GREM1: variants seen among roughly 807,000 people sequenced by gnomAD.
The protein encoded by GREM1 is gremlin 1, DAN family BMP antagonist, also known as gremlin-1.
GREM1 carries 6 observed loss-of-function variants against 13.1 expected under a neutral mutation model. That is an observed-to-expected ratio of 0.46 (90% CI 0.25 to 0.91). The LOEUF (loss-of-function observed/expected upper bound fraction) is 0.91, where lower values mean the gene tolerates loss of function less well. Ranked by LOEUF, GREM1 falls within the 40% of genes least tolerant of loss-of-function variation. The pLI, the probability that GREM1 is intolerant of heterozygous loss-of-function variation, is 0.18. For synonymous variants in GREM1, 98 were observed against 93.7 expected, an observed-to-expected ratio of 1.05 and a Z score of -0.27; for missense variants, 185 against 233.9, an observed-to-expected ratio of 0.79 and a Z score of 1.36.
In GREM1 at chr15:32,744,744, A is replaced by C. The variant is rs2055791847; in HGVS notation, c.*13499A>C. 1 of 151,842 alleles carries C rather than the reference A, an allele frequency of 6.6e-6. No homozygotes were observed. The highest frequency in any genetic ancestry group is 2.1e-4 in the South Asian group (1 of 4,806). The allele number at this position is 151,842 out of a possible 1,614,324, so 9.4% of individuals were successfully genotyped here. On this transcript the variant is annotated 3_prime_UTR_variant, in exon 2 of 2. Coordinates refer to ENST00000651154, the MANE Select transcript of GREM1 (RefSeq NM_013372.7). ...CTGCATCTGTACAATCAAGCACCCA[A>C]ACTGGTTCTGTAGAGGCAGGACCTT...
intron 1 of GREM1, 43 bp downstream of exon 1, chr15:32,718,204 G>A (rs1012872507): frequency 6.0e-6 from 8 of 1,329,278 alleles, no homozygotes; most frequent in Admixed American, 2.2e-5. Flanking sequence ...TGGGCGGAGG[G>A]AAGAGGGCCG....
At position 32,731,143 on chromosome 15, in the gene GREM1, C is replaced by T; in HGVS notation, c.453C>T (p.Thr151=). Residue 151 remains threonine (T), a synonymous_variant, in exon 2 of 2, where the codon ACC becomes ACT. Transcript: ENST00000651154. ...CSFCKPKKFT[T]MMVTLNCPEL... is the part of the protein sequence containing the mutation. ...TCTGCAAGCCCAAGAAATTCACTAC[C>T]ATGATGGTCACACTCAACTGCCCTG... 1.2e-6 allele frequency: 2 copies of T among 1,614,044 alleles called. No individual in the cohort carries two copies. The highest frequency in any genetic ancestry group is 1.1e-5 in the South Asian group (1 of 91,080).
chr15:32,725,990 G>A (rs1001019737), intron 1 of GREM1, among the ~76,000 whole-genome samples: 1 of 152,098 alleles, frequency 6.6e-6, no homozygotes, highest in Non-Finnish European at 1.5e-5. Flanking sequence ...TGTTCCATTG[G>A]TCTGTATATC....
At chr15:32,719,858 C>G (rs1194794301) in intron 1 of GREM1, among the ~76,000 whole-genome samples, 1 of 151,988 alleles carries the variant, frequency 6.6e-6, no homozygotes, top group Non-Finnish European at 1.5e-5. Flanking sequence ...CCCCTTTTCT[C>G]TTTTTTTGGA....
intron 1 of GREM1, among the ~76,000 whole-genome samples, chr15:32,727,571 T>C (rs563093541): frequency 6.6e-6 from 1 of 152,262 alleles, no homozygotes; most frequent in South Asian, 2.1e-4. Flanking sequence ...AAGCATTCCC[T>C]TTGAAAACCG....
chr15:32,738,917 C>T lies in GREM1; in HGVS notation c.*7672C>T, dbSNP rs2055737715. On this transcript the variant is annotated 3_prime_UTR_variant, in exon 2 of 2. Transcript: ENST00000651154. ...GCCCAGAAGATTGTACCACTGCACT[C>T]CAGCCTACATGACAGAGTAAGTCTC... is the stretch of plus-strand genomic sequence containing the variant. 6.6e-6 allele frequency: 1 copy of T among 152,186 alleles called. No homozygotes were observed. The highest frequency in any genetic ancestry group is 2.1e-4 in the South Asian group (1 of 4,820). The allele number at this position is 152,186 out of a possible 1,614,324, so 9.4% of individuals were successfully genotyped here.
At chr15:32,720,542 A>G (rs1034799607) in intron 1 of GREM1, among the ~76,000 whole-genome samples, 1 of 152,110 alleles carries the variant, frequency 6.6e-6, no homozygotes, top group African/African-American at 2.4e-5. Flanking sequence ...TGGTTAGGGG[A>G]GGTGACTGCA....
Position 32,740,316 on chromosome 15 carries a change from C to T in GREM1, c.*9071C>T, listed in dbSNP as rs1238006458. Reference sequence around the variant, plus strand: ...TATGTGATTTACCTGACAGAGAATTCAGAATAGCTCTCATAAAGATTCTCA... The same window carrying T: ...TATGTGATTTACCTGACAGAGAATTTAGAATAGCTCTCATAAAGATTCTCA... On this transcript the variant is annotated 3_prime_UTR_variant, in exon 2 of 2. Transcript: ENST00000651154. 1 of 152,146 alleles carries T rather than the reference C, an allele frequency of 6.6e-6. No individual in the cohort carries two copies. Among genetic ancestry groups the T allele is most frequent in the African/African-American group, 2.4e-5 (1 of 41,438 alleles). 9.4% of individuals were successfully genotyped at this position (152,146 alleles called of 1,614,324 possible). A position where few individuals can be genotyped will look rare whatever the true frequency, so the allele number is the denominator to read the frequency against.
Position 32,734,233 on chromosome 15 carries a change from A to T in GREM1, c.*2988A>T, listed in dbSNP as rs1176220565. The T allele has an allele frequency of 4.1e-6, 1 of 242,502 alleles. No individual in the cohort carries two copies. Among genetic ancestry groups the T allele is most frequent in the Non-Finnish European group, 8.7e-6 (1 of 114,708 alleles). 15.0% of individuals were successfully genotyped at this position (242,502 alleles called of 1,614,324 possible). A position where few individuals can be genotyped will look rare whatever the true frequency, so the allele number is the denominator to read the frequency against. ...TAAAGGTTAACATTTCTAAAGCAAT[A>T]TTAAGAAAGACTTTAAATGTTATTT... On this transcript the variant is annotated 3_prime_UTR_variant, in exon 2 of 2. Coordinates refer to ENST00000651154, the MANE Select transcript of GREM1 (RefSeq NM_013372.7).
rs772723362 is a variant in GREM1, at chr15:32,744,672, C to G, written c.*13427C>G. The G allele has an allele frequency of 2.0e-5, 3 of 151,348 alleles. No homozygotes were observed. Among genetic ancestry groups the G allele is most frequent in the Non-Finnish European group, 2.9e-5 (2 of 67,870 alleles). 9.4% of individuals were successfully genotyped at this position (151,348 alleles called of 1,614,324 possible). On this transcript the variant is annotated 3_prime_UTR_variant, in exon 2 of 2. Coordinates refer to ENST00000651154, the MANE Select transcript of GREM1 (RefSeq NM_013372.7). ...ACTTAACTCAAGCAAAACAATGTTA[C>G]TCTCTTTGTACATTGTACAGATGCA...
rs2055635216 is a variant in GREM1, at chr15:32,732,390, C to G, written c.*1145C>G. 4.1e-6 allele frequency: 1 copy of G among 244,242 alleles called. No homozygotes were observed. Among genetic ancestry groups the G allele is most frequent in the African/African-American group, 2.2e-5 (1 of 45,148 alleles). 15.1% of individuals were successfully genotyped at this position (244,242 alleles called of 1,614,324 possible). The stretch of plus-strand genomic sequence containing the variant: ...TCCTGCCTCTGCTGAGTGTACCTGA[C>G]AGTAGTCTAAGATGAGAGAGTTTAG... On this transcript the variant is annotated 3_prime_UTR_variant, in exon 2 of 2. Coordinates refer to ENST00000651154, the MANE Select transcript of GREM1 (RefSeq NM_013372.7).
At chr15:32,730,666 C>T in intron 1 of GREM1, 24 bp from the exon 2 acceptor site, 1 of 1,488,860 alleles carries the variant, frequency 6.7e-7, no homozygotes, top group Non-Finnish European at 9.0e-7. Context: ...TGTGTCTTCC[C>T]CTCTCTGTGC....
chr15:32,719,264 C>G (rs1055917765), intron 1 of GREM1, among the ~76,000 whole-genome samples: 3 of 152,252 alleles, frequency 2.0e-5, no homozygotes, highest in Admixed American at 2.0e-4. Flanking sequence ...CGCCACCGCT[C>G]TCGCTTGGCA....
intron 1 of GREM1, among the ~76,000 whole-genome samples, chr15:32,719,955 T>C (rs1219400347): frequency 6.6e-6 from 1 of 152,088 alleles, no homozygotes; most frequent in Non-Finnish European, 1.5e-5. Flanking sequence ...ATATTCTCAC[T>C]GCCCCCCAAG....
rs1466852232 is a variant in GREM1 at position 32,737,802 on chromosome 15, C to CCT, written c.*6558_*6559dup. 1.3e-5 allele frequency: 2 copies of CCT among 151,572 alleles called. No individual in the cohort carries two copies. The highest frequency in any genetic ancestry group is 2.9e-5 in the Non-Finnish European group (2 of 67,990). 9.4% of individuals were successfully genotyped at this position (151,572 alleles called of 1,614,324 possible). On this transcript the variant is annotated 3_prime_UTR_variant, in exon 2 of 2. Coordinates refer to ENST00000651154, the MANE Select transcript of GREM1 (RefSeq NM_013372.7). ...AATTAGCCCGGCGTGGTGGCAAATG[C>CCT]CTGTAATCCCAGCTGCTTGGGAGGC...
chr15:32,718,256 C>A, intron 1 of GREM1, 95 bp downstream of exon 1: 1 of 994,620 alleles, frequency 1.0e-6, no homozygotes, highest in Non-Finnish European at 1.4e-6. Context: ...CGCGGCAGCC[C>A]TCCGTGCGCG....
At chr15:32,721,087 C>T (rs1015481657) in intron 1 of GREM1, among the ~76,000 whole-genome samples, 1 of 152,072 alleles carries the variant, frequency 6.6e-6, no homozygotes, top group South Asian at 2.1e-4. Flanking sequence ...AACCGGGAGG[C>T]GGAGGTTGTG....
At chr15:32,727,201 A>G (rs1219643354) in intron 1 of GREM1, among the ~76,000 whole-genome samples, 1 of 134,330 alleles carries the variant, frequency 7.4e-6, no homozygotes, top group East Asian at 2.1e-4. Flanking sequence ...CAGAGACACA[A>G]CATAAAAAAG....
At chr15:32,728,658 T>C (rs1254273945) in intron 1 of GREM1, among the ~76,000 whole-genome samples, 1 of 152,188 alleles carries the variant, frequency 6.6e-6, no homozygotes, top group Admixed American at 6.5e-5. Flanking sequence ...GGAGAAATAA[T>C]GTTACTGTTA....
Sources: allele counts gnomAD v4.1 joint callset (sites outside exome capture counted in the v4.1 genomes callset), GRCh38; gene constraint gnomAD v4.1.1; transcripts MANE v1.5; gene names NCBI Gene and HGNC (gene_info 2026-07-23, HGNC 2026-07-21).